BICD1: variants seen among roughly 807,000 people sequenced by gnomAD.
BICD1 encodes the protein BICD cargo adaptor 1, also known as protein bicaudal D homolog 1.
A neutral mutation model predicts 92.5 loss-of-function variants in BICD1; 35 were observed. The ratio of observed to expected loss-of-function variants is 0.38; its 90% confidence interval spans 0.29 to 0.50. BICD1 has a LOEUF of 0.50. Ranked by LOEUF, BICD1 falls within the 20% of genes least tolerant of loss-of-function variation. The pLI is 0.93. For synonymous variants in BICD1, 429 were observed against 465.1 expected, an observed-to-expected ratio of 0.92 and a Z score of 1.00; for missense variants, 950 against 1,189.8, an observed-to-expected ratio of 0.80 and a Z score of 2.97.
At chr12:32,185,311 T>C (rs972701622) in intron 1 of BICD1, among the ~76,000 whole-genome samples, 1 of 152,240 alleles carries the variant, frequency 6.6e-6, no homozygotes, top group African/African-American at 2.4e-5. Flanking sequence ...CATCCACTGC[T>C]ATGGTTTTGA....
In BICD1 at chr12:32,313,115, AT is replaced by A. The variant is rs56041021; in HGVS notation, c.1005+7003del. Among the ~76,000 whole-genome samples, 12 of 150,562 alleles carry A rather than the reference AT, an allele frequency of 8.0e-5. No homozygotes were observed. Among genetic ancestry groups the A allele is most frequent in the African/African-American group, 2.4e-4 (10 of 41,000 alleles). On this transcript the variant is annotated intron_variant, in intron 4 of 9. Transcript: ENST00000652176. The surrounding 1 kb of genome is among the most constrained non-coding windows in gnomAD (Gnocchi z 4.2). The stretch of plus-strand genomic sequence containing the variant: ...AACTAAGCAGGGGAAAACTCTTTGG[AT>A]TTTTTTTTTCAGTATTATGCTGGGT...
At chr12:32,162,612 G>T (rs1352148122) in intron 1 of BICD1, among the ~76,000 whole-genome samples, 1 of 152,150 alleles carries the variant, frequency 6.6e-6, no homozygotes, top group Non-Finnish European at 1.5e-5. Context: ...ATCAATAGAG[G>T]TTAGCTATTA....
At chr12:32,357,012 C>CTTTT (rs35643247) in intron 8 of BICD1, among the ~76,000 whole-genome samples, 6 of 129,534 alleles carry the variant, frequency 4.6e-5, no homozygotes, top group Admixed American at 8.3e-5. Context: ...GATTCTCCTG[C>CTTTT]TTTTTTTTTT....
chr12:32,345,085 G>A (rs764347507), intron 8 of BICD1, among the ~76,000 whole-genome samples: 2 of 151,980 alleles, frequency 1.3e-5, no homozygotes, highest in Admixed American at 6.6e-5. Flanking sequence ...CCAGGAGTCC[G>A]AGACTGGCCT....
At chr12:32,335,582 T>G (rs1418206846) in intron 6 of BICD1, among the ~76,000 whole-genome samples, 1 of 146,014 alleles carries the variant, frequency 6.8e-6, no homozygotes, top group East Asian at 2.0e-4. Context: ...AAGACCTACT[T>G]TTTTTTTTTT....
chr12:32,174,679 G>A (rs1944042754), intron 1 of BICD1, among the ~76,000 whole-genome samples: 2 of 152,050 alleles, frequency 1.3e-5, no homozygotes, highest in Non-Finnish European at 1.5e-5. Context: ...GTATTTACAG[G>A]CCAGTATCAC....
intron 1 of BICD1, among the ~76,000 whole-genome samples, chr12:32,115,564 G>C (rs1001979460): frequency 4.6e-5 from 7 of 152,102 alleles, no homozygotes; most frequent in Admixed American, 1.3e-4. Flanking sequence ...AAGAAAACCC[G>C]AGAAGCTCAG....
At chr12:32,226,754 TG>T (rs534430452) in intron 2 of BICD1, among the ~76,000 whole-genome samples, 362 of 152,200 alleles carry the variant, frequency 2.4e-3, no homozygotes, top group African/African-American at 7.2e-3. Context: ...CCCTTCTAGA[TG>T]GAAGGGAGAG....
At chr12:32,361,113 C>T (rs547908160) in intron 8 of BICD1, among the ~76,000 whole-genome samples, 1 of 152,308 alleles carries the variant, frequency 6.6e-6, no homozygotes, top group East Asian at 1.9e-4. Flanking sequence ...TCAGATAAGA[C>T]AAGACAGTGC....
At chr12:32,107,820 C>CT in intron 1 of BICD1, 5 of 688,138 alleles carry the variant, frequency 7.3e-6, no homozygotes, top group Middle Eastern at 2.8e-4. Flanking sequence ...TCTCAGCACT[C>CT]TAAGACGACA....
rs534586297 is a variant in BICD1 at position 32,329,644 on chromosome 12, G to A, written c.2100+1089G>A. ...GAGCTCTACCTGTGCTACTGACCAC[G>A]TATCTGAAATTTAGGTTCATTTGGG... On this transcript the variant is annotated intron_variant, in intron 5 of 9. Coordinates refer to ENST00000652176, the MANE Select transcript of BICD1 (RefSeq NM_001714.4). 7.2e-5 allele frequency among the ~76,000 whole-genome samples: 11 copies of A among 152,300 alleles called. No homozygotes were observed. In the South Asian group the frequency reaches 1.2e-3, roughly 17 times the overall value.
intron 2 of BICD1, among the ~76,000 whole-genome samples, chr12:32,293,705 G>A (rs921393982): frequency 1.3e-5 from 2 of 152,064 alleles, no homozygotes; most frequent in Non-Finnish European, 2.9e-5. Context: ...AATAGCAAAC[G>A]TTTAGACTGT....
rs145948027 is a variant in BICD1 at position 32,340,079 on chromosome 12, C to G, written c.2764+1100C>G. Reference sequence around the variant, plus strand: ...CTCCTGTAGTCTTTGAGTTTGCCACCGTTGAAATAGAATTTTTTTTTTCAT... The same window carrying G: ...CTCCTGTAGTCTTTGAGTTTGCCACGGTTGAAATAGAATTTTTTTTTTCAT... On this transcript the variant is annotated intron_variant, in intron 8 of 9. Coordinates refer to ENST00000652176, the MANE Select transcript of BICD1 (RefSeq NM_001714.4). 1.7e-4 allele frequency: 164 copies of G among 984,036 alleles called. No homozygotes were observed. In the East Asian group the frequency reaches 0.015, roughly 91 times the overall value. 61.0% of individuals were successfully genotyped at this position (984,036 alleles called of 1,614,324 possible).
intron 2 of BICD1, among the ~76,000 whole-genome samples, chr12:32,252,818 T>G (rs1429266775): frequency 6.6e-6 from 1 of 152,112 alleles, no homozygotes; most frequent in Non-Finnish European, 1.5e-5. Context: ...TGCTACACAG[T>G]TGGTTTTAGC....
chr12:32,219,264 G>A (rs1274668801), intron 2 of BICD1, among the ~76,000 whole-genome samples: 1 of 152,146 alleles, frequency 6.6e-6, no homozygotes, highest in Non-Finnish European at 1.5e-5. Flanking sequence ...TGGCAAAGGT[G>A]TGTGTGCGTG....
In BICD1 at chr12:32,327,753, A is replaced by T; in HGVS notation, c.1298A>T (p.Glu433Val). 3.1e-6 allele frequency: 5 copies of T among 1,614,162 alleles called. No homozygotes were observed. Among genetic ancestry groups the T allele is most frequent in the Non-Finnish European group, 4.2e-6 (5 of 1,180,030 alleles). The change falls in exon 5 of 10, where the codon GAA becomes GTA. Residue 433 changes from glutamate to valine, a missense_variant. Physicochemically the swap from Glu to Val is moderately radical, Grantham distance 121. This residue lies in a region of BICD1 where 309 missense variants were observed against 499.4 expected (regional missense o/e 0.62). Coordinates refer to ENST00000652176, the MANE Select transcript of BICD1 (RefSeq NM_001714.4). The stretch of plus-strand genomic sequence containing the variant: ...ACTGAGGTGATTGATCTGAAAGCTG[A>T]AATTAAGGCCTTAAAGGAGAAATAT... ...AVTEVIDLKA[E>V]IKALKEKYNK...
intron 8 of BICD1, among the ~76,000 whole-genome samples, chr12:32,346,616 GTATA>G (rs1260180834): frequency 1.4e-3 from 4 of 2,874 alleles, no homozygotes; most frequent in East Asian, 0.017. Flanking sequence ...ATATATACGT[GTATA>G]TATATATATA....
intron 1 of BICD1, among the ~76,000 whole-genome samples, chr12:32,201,235 T>C (rs1160813985): frequency 6.6e-6 from 1 of 152,202 alleles, no homozygotes; most frequent in African/African-American, 2.4e-5. Flanking sequence ...TCTGACATAC[T>C]CTGATCTAGG....
intron 8 of BICD1, chr12:32,340,631 A>C (rs539125353): frequency 1.9e-4 from 118 of 612,586 alleles, no homozygotes; most frequent in Non-Finnish European, 2.2e-4. Flanking sequence ...TTTTTGTATG[A>C]CTGGTTTTTG....
Sources: allele counts gnomAD v4.1 joint callset (sites outside exome capture counted in the v4.1 genomes callset), GRCh38; gene constraint gnomAD v4.1.1; regional missense constraint gnomAD v4.1.1; non-coding constraint Gnocchi (gnomAD v3.1); transcripts MANE v1.5; gene names NCBI Gene and HGNC (gene_info 2026-07-23, HGNC 2026-07-21).